Variants in RABL3 observed in about 807,000 individuals in gnomAD.
The protein encoded by RABL3 is RAB, member of RAS oncogene family like 3, also known as rab-like protein 3.
In RABL3, 31 loss-of-function variants were observed where a neutral mutation model predicts 31.8. The observed-to-expected ratio is 0.97, with a 90% CI of 0.73 to 1.31. The LOEUF (loss-of-function observed/expected upper bound fraction) is 1.31, where lower values mean the gene tolerates loss of function less well. RABL3 is among the 40% of genes most tolerant of loss of function. The pLI is 0.00. For synonymous variants in RABL3, 97 were observed against 99.9 expected (o/e 0.97, Z 0.18); for missense variants, 263 against 279.6 (o/e 0.94, Z 0.42).
At chr3:120,690,120 G>A (rs1708362240) in intron 7 of RABL3, among the ~76,000 whole-genome samples, 1 of 152,124 alleles carries the variant, frequency 6.6e-6, no homozygotes, top group African/African-American at 2.4e-5. Context: ...CAGAAAGAAT[G>A]AAGGTAAATC....
Position 120,698,468 on chromosome 3 carries a change from C to A in RABL3, c.489G>T (p.Arg163Ser), listed in dbSNP as rs374236752. 6 of 1,614,030 alleles carry A rather than the reference C, an allele frequency of 3.7e-6. No homozygotes were observed. In the South Asian group the frequency reaches 6.6e-5, roughly 18 times the overall value. The change falls in exon 5 of 8, where the codon AGG becomes AGT. Residue 163 changes from arginine to serine, a missense_variant. Transcript: ENST00000273375. ...TGAAATCCTCAGCCAGGAAAGCAGT[C>A]CTAGTTAAAACTTCATGGCGCTTTG... ...HETKRHEVLT[R>S]TAFLAEDFNP...
intron 1 of RABL3, among the ~76,000 whole-genome samples, chr3:120,735,836 T>C (rs539951417): frequency 6.6e-6 from 1 of 152,158 alleles, no homozygotes; most frequent in Admixed American, 6.5e-5. Flanking sequence ...TTGTTCAGTT[T>C]CCATGCAGTT....
At chr3:120,705,623 G>A (rs746979605) in intron 4 of RABL3, among the ~76,000 whole-genome samples, 2 of 152,066 alleles carry the variant, frequency 1.3e-5, no homozygotes, top group Non-Finnish European at 2.9e-5. Flanking sequence ...CTCCCATCTC[G>A]TACAAAACTA....
chr3:120,695,208 C>T (rs1224619212), intron 5 of RABL3, among the ~76,000 whole-genome samples: 2 of 151,990 alleles, frequency 1.3e-5, no homozygotes, highest in Non-Finnish European at 2.9e-5. Flanking sequence ...ATGAAGCCTC[C>T]TATTTTATTC....
At position 120,709,821 on chromosome 3, in the gene RABL3, C is replaced by A; in HGVS notation, c.227G>T (p.Ser76Ile). ...DVGGSVGSAS[S>I]VKSTRAVFYN... ...GAATACTGCTCTTGTGCTTTTCACG[C>A]TGCTGGCACTGCCCACAGAGCCTCC... is the stretch of plus-strand genomic sequence containing the variant. The change falls in exon 3 of 8, where the codon AGC becomes ATC. Residue 76 changes from serine (S) to isoleucine (I), a missense_variant. Coordinates refer to ENST00000273375, the MANE Select transcript of RABL3 (RefSeq NM_173825.5). The A allele has an allele frequency of 6.2e-7, 1 of 1,612,530 alleles. No homozygotes were observed. The highest frequency in any genetic ancestry group is 8.5e-7 in the Non-Finnish European group (1 of 1,178,718).
intron 2 of RABL3, among the ~76,000 whole-genome samples, chr3:120,727,884 A>G (rs1179230132): frequency 2.0e-5 from 3 of 152,246 alleles, no homozygotes; most frequent in African/African-American, 7.2e-5. Context: ...TTGAATATCC[A>G]TTCATGATAC....
rs1708343783 is a variant in RABL3, at chr3:120,688,731, C to A, written c.*1092G>T. On this transcript the variant is annotated 3_prime_UTR_variant, in exon 8 of 8. Transcript: ENST00000273375. Reference sequence around the variant, plus strand: ...ATCAAATTCATATACTCAGGAAGAACTGGGGCAGAGAAGATTAAGCAAGCA... The same window carrying A: ...ATCAAATTCATATACTCAGGAAGAAATGGGGCAGAGAAGATTAAGCAAGCA... 6.6e-6 allele frequency: 1 copy of A among 151,848 alleles called. No homozygotes were observed. Among genetic ancestry groups the A allele is most frequent in the Admixed American group, 6.6e-5 (1 of 15,230 alleles). The allele number at this position is 151,848 out of a possible 1,614,324, so 9.4% of individuals were successfully genotyped here. A position where few individuals can be genotyped will look rare whatever the true frequency, so the allele number is the denominator to read the frequency against.
At position 120,722,750 on chromosome 3, in the gene RABL3, G is replaced by A. The variant is rs1400484805; in HGVS notation, c.138+7946C>T. 1.3e-5 allele frequency: 2 copies of A among 152,086 alleles called. 1 individual carries two copies. The highest frequency in any genetic ancestry group is 2.9e-5 in the Non-Finnish European group (2 of 68,028). The allele number at this position is 152,086 out of a possible 1,614,324, so 9.4% of individuals were successfully genotyped here. A position where few individuals can be genotyped will look rare whatever the true frequency, so the allele number is the denominator to read the frequency against. On this transcript the variant is annotated intron_variant, in intron 2 of 7. Transcript: ENST00000273375. ...ATAAAAGATGTTCTTTGAAACCAAC[G>A]AGAACAAAGACACAACATACCAGAA...
At position 120,686,170 on chromosome 3, in the gene RABL3, G is replaced by A. The variant is rs182337533; in HGVS notation, c.*3653C>T. On this transcript the variant is annotated 3_prime_UTR_variant, in exon 8 of 8. Coordinates refer to ENST00000273375, the MANE Select transcript of RABL3 (RefSeq NM_173825.5). Reference sequence around the variant, plus strand: ...TGATTTAGCTCAGTCTTGGGACTGCGGAGAAATGAATTTCTAATTTCCTTC... The same window carrying A: ...TGATTTAGCTCAGTCTTGGGACTGCAGAGAAATGAATTTCTAATTTCCTTC... 1.3e-5 allele frequency among the ~76,000 whole-genome samples: 2 copies of A among 152,272 alleles called. No homozygotes were observed. Among genetic ancestry groups the A allele is most frequent in the African/African-American group, 4.8e-5 (2 of 41,552 alleles).
At chr3:120,715,602 C>A (rs939447339) in intron 2 of RABL3, among the ~76,000 whole-genome samples, 3 of 152,074 alleles carry the variant, frequency 2.0e-5, no homozygotes, top group Non-Finnish European at 4.4e-5. Flanking sequence ...TAACCATTAG[C>A]AACATGTGAC....
intron 2 of RABL3, among the ~76,000 whole-genome samples, chr3:120,718,080 A>G (rs1708691621): frequency 6.6e-6 from 1 of 152,124 alleles, no homozygotes; most frequent in Non-Finnish European, 1.5e-5. Context: ...TCTACCCATC[A>G]TTAAACTCCT....
chr3:120,707,929 G>A (rs1176301029), intron 3 of RABL3, among the ~76,000 whole-genome samples: 2 of 152,056 alleles, frequency 1.3e-5, no homozygotes, highest in Non-Finnish European at 2.9e-5. Flanking sequence ...AGGGTGATAT[G>A]ATAATATATC....
Position 120,686,179 on chromosome 3 carries a change from A to G in RABL3, c.*3644T>C, listed in dbSNP as rs1370229428. Among the ~76,000 whole-genome samples the G allele has an allele frequency of 3.9e-5, 6 of 152,194 alleles. No homozygotes were observed. The highest frequency in any genetic ancestry group is 1.4e-4 in the African/African-American group (6 of 41,450). On this transcript the variant is annotated 3_prime_UTR_variant, in exon 8 of 8. Transcript: ENST00000273375. Reference sequence around the variant, plus strand: ...TCAGTCTTGGGACTGCGGAGAAATGAATTTCTAATTTCCTTCTCCTCCTTT... The same window carrying G: ...TCAGTCTTGGGACTGCGGAGAAATGGATTTCTAATTTCCTTCTCCTCCTTT...
intron 2 of RABL3, among the ~76,000 whole-genome samples, chr3:120,723,251 G>A (rs1360235387): frequency 1.3e-5 from 2 of 152,212 alleles, no homozygotes; most frequent in Non-Finnish European, 2.9e-5. Context: ...AAACCAGGAA[G>A]AAGTTGAACC....
chr3:120,703,769 T>C (rs1708520103), intron 4 of RABL3, among the ~76,000 whole-genome samples: 2 of 152,130 alleles, frequency 1.3e-5, no homozygotes, highest in Non-Finnish European at 2.9e-5. Context: ...AATAAACAAA[T>C]ACTATAAACA....
intron 2 of RABL3, among the ~76,000 whole-genome samples, chr3:120,723,171 T>G (rs12107474): frequency 6.6e-6 from 1 of 150,442 alleles, no homozygotes; most frequent in Non-Finnish European, 1.5e-5. Context: ...TAAAAACACC[T>G]GTACGCAAAT....
chr3:120,714,705 AT>A (rs776192694), intron 2 of RABL3, among the ~76,000 whole-genome samples: 8 of 151,372 alleles, frequency 5.3e-5, no homozygotes, highest in Admixed American at 2.0e-4. Context: ...CATATCCAGT[AT>A]TTTTTTTTCC....
chr3:120,720,811 T>C (rs1708730491), intron 2 of RABL3, among the ~76,000 whole-genome samples: 1 of 152,024 alleles, frequency 6.6e-6, no homozygotes, highest in African/African-American at 2.4e-5. Context: ...CAGGCCAACA[T>C]TCAAATTCAG....
chr3:120,730,394 G>A (rs181389116), intron 2 of RABL3, among the ~76,000 whole-genome samples: 2 of 152,240 alleles, frequency 1.3e-5, no homozygotes, highest in South Asian at 2.1e-4. Context: ...AATTATTTAC[G>A]GAGGATGCTA....
Sources: gnomAD v4.1 joint callset for allele counts (sites outside exome capture counted in the v4.1 genomes callset) on GRCh38, gnomAD v4.1.1 for gene constraint, MANE v1.5 for transcripts, NCBI Gene and HGNC (gene_info 2026-07-23, HGNC 2026-07-21) for gene names.